PARD3B: variants seen among roughly 807,000 people sequenced by gnomAD.
The protein encoded by PARD3B is partitioning defective 3 homolog B.
In PARD3B, 103 loss-of-function variants were observed where a neutral mutation model predicts 130.2. The observed-to-expected ratio is 0.79, with a 90% CI of 0.67 to 0.93. The LOEUF (loss-of-function observed/expected upper bound fraction) is 0.93. Ranked by LOEUF, PARD3B falls within the 40% of genes least tolerant of loss-of-function variation. PARD3B has a pLI of 0.00. For missense variants in PARD3B, 1,609 were observed against 1,499.2 expected (o/e 1.07, Z -1.21); for synonymous variants, 583 against 553.2 (o/e 1.05, Z -0.76).
At chr2:204,828,097 C>T (rs1039755472) in intron 2 of PARD3B, among the ~76,000 whole-genome samples, 22 of 152,156 alleles carry the variant, frequency 1.4e-4, no homozygotes, top group African/African-American at 4.6e-4. Context: ...GGAAGAATGT[C>T]ATTTCCTCAG....
intron 2 of PARD3B, among the ~76,000 whole-genome samples, chr2:204,726,329 T>C (rs900137024): frequency 2.6e-5 from 4 of 152,188 alleles, no homozygotes; most frequent in Non-Finnish European, 5.9e-5. Context: ...TAGCTGCTGG[T>C]TCATCCTCAC....
intron 19 of PARD3B, among the ~76,000 whole-genome samples, chr2:205,419,986 G>A (rs1016199474): frequency 1.3e-5 from 2 of 152,108 alleles, no homozygotes; most frequent in South Asian, 2.1e-4. Context: ...AAAGATTTGC[G>A]GCCAAGAGAT....
At chr2:205,524,187 C>T (rs527579069) in intron 21 of PARD3B, among the ~76,000 whole-genome samples, 1 of 152,156 alleles carries the variant, frequency 6.6e-6, no homozygotes, top group Non-Finnish European at 1.5e-5. Flanking sequence ...TCTCTGCATT[C>T]ATTTTGCCAA....
intron 15 of PARD3B, among the ~76,000 whole-genome samples, chr2:205,215,516 A>G (rs1423095580): frequency 6.6e-6 from 1 of 152,154 alleles, no homozygotes; most frequent in Non-Finnish European, 1.5e-5. Context: ...CGGAATTGGA[A>G]AAGTATATGA....
intron 2 of PARD3B, among the ~76,000 whole-genome samples, chr2:204,858,848 T>C (rs2045066717): frequency 6.7e-6 from 1 of 149,936 alleles, no homozygotes. Context: ...ATATATACAA[T>C]TTATTTAAAA....
At chr2:205,283,308 C>T (rs1027130569) in intron 16 of PARD3B, among the ~76,000 whole-genome samples, 4 of 152,136 alleles carry the variant, frequency 2.6e-5, no homozygotes, top group Non-Finnish European at 5.9e-5. Context: ...GTTTTTGAGA[C>T]AGTCTCACTG....
In PARD3B at chr2:205,118,956, A is replaced by G. The variant is rs372582487; in HGVS notation, c.716A>G (p.Asn239Ser). ...CTCTTCATCCGAGGCATTGAAGACA[A>G]CAGCAGGTCCAAGCGGGAGGGACTA... ...LGLFIRGIED[N>S]SRSKREGLFH... is the part of the protein sequence containing the mutation. The change falls in exon 7 of 23, where the codon AAC becomes AGC. Residue 239 changes from asparagine (N) to serine (S), a missense_variant. Physicochemically the swap from Asn to Ser is conservative, Grantham distance 46. Coordinates refer to ENST00000406610, the MANE Select transcript of PARD3B (RefSeq NM_001302769.2). The G allele has an allele frequency of 8.1e-6, 13 of 1,610,662 alleles. No homozygotes were observed. In the African/African-American group the frequency reaches 1.6e-4, roughly 20 times the overall value.
At chr2:204,642,776 T>C (rs1444101790) in intron 1 of PARD3B, among the ~76,000 whole-genome samples, 1 of 151,810 alleles carries the variant, frequency 6.6e-6, no homozygotes, top group African/African-American at 2.4e-5. Flanking sequence ...GACTTCCCCC[T>C]TGCTGTTCTT....
intron 22 of PARD3B, among the ~76,000 whole-genome samples, chr2:205,581,285 T>G (rs963137780): frequency 9.3e-4 from 74 of 79,650 alleles, no homozygotes; most frequent in African/African-American, 2.5e-3. Flanking sequence ...GATATAGATA[T>G]ATAGATAGAT....
chr2:205,026,710 A>G (rs1697059468), intron 3 of PARD3B, among the ~76,000 whole-genome samples: 1 of 152,158 alleles, frequency 6.6e-6, no homozygotes, highest in African/African-American at 2.4e-5. Context: ...CATGGCACCC[A>G]TGATTCTACT....
chr2:204,790,745 T>TTCGTA (rs1490656656), intron 2 of PARD3B, among the ~76,000 whole-genome samples: 4 of 152,222 alleles, frequency 2.6e-5, no homozygotes, highest in Non-Finnish European at 2.9e-5. Flanking sequence ...GTATTTCGTC[T>TTCGTA]TTGTCAGCAT....
chr2:205,381,173 AAT>A (rs1214653438), intron 18 of PARD3B, among the ~76,000 whole-genome samples: 3 of 121,032 alleles, frequency 2.5e-5, no homozygotes, highest in Middle Eastern at 4.1e-3. Context: ...AAGAATATAT[AAT>A]ATATATAAAG....
intron 2 of PARD3B, among the ~76,000 whole-genome samples, chr2:204,840,096 A>G (rs1187524257): frequency 6.6e-6 from 1 of 152,200 alleles, no homozygotes; most frequent in Non-Finnish European, 1.5e-5. Flanking sequence ...TATACAATTT[A>G]TACAATTTAA....
rs1575027796 is a variant in PARD3B, at chr2:205,440,296, A to G, written c.2742-74A>G. ...AAGAGACGAGGAAGAGTTAACATAA[A>G]TTCAAGAGAGTATTTCATTGTATTA... On this transcript the variant is annotated intron_variant, in intron 19 of 22. Transcript: ENST00000406610. The surrounding 1 kb of genome is among the most constrained non-coding windows in gnomAD (Gnocchi z 4.2). The G allele has an allele frequency of 1.4e-6, 2 of 1,432,630 alleles. No homozygotes were observed. Among genetic ancestry groups the G allele is most frequent in the South Asian group, 2.6e-5 (2 of 77,434 alleles). The allele number at this position is 1,432,630 out of a possible 1,614,324, so 88.7% of individuals were successfully genotyped here. A position where few individuals can be genotyped will look rare whatever the true frequency, so the allele number is the denominator to read the frequency against.
At chr2:205,378,655 C>CA (rs2045174376) in intron 18 of PARD3B, among the ~76,000 whole-genome samples, 1 of 136,406 alleles carries the variant, frequency 7.3e-6, no homozygotes, top group African/African-American at 2.9e-5. Context: ...TTTTTTGAGA[C>CA]AGAGTTTCAC....
At chr2:205,209,706 A>G (rs909078193) in intron 15 of PARD3B, among the ~76,000 whole-genome samples, 1 of 151,978 alleles carries the variant, frequency 6.6e-6, no homozygotes, top group African/African-American at 2.4e-5. Context: ...GTTATTGGCA[A>G]TACTTTATGA....
chr2:205,383,138 A>C (rs13407555), intron 18 of PARD3B, among the ~76,000 whole-genome samples: 5,213 of 138,282 alleles, frequency 0.038, 192 homozygotes, highest in East Asian at 0.13. Flanking sequence ...ATAGATAGAT[A>C]GATCGATCTA....
intron 16 of PARD3B, among the ~76,000 whole-genome samples, chr2:205,289,455 T>G (rs2041520678): frequency 2.0e-5 from 3 of 152,194 alleles, no homozygotes; most frequent in Admixed American, 2.0e-4. Context: ...ATCTTCCAAC[T>G]ACCCCATAAA....
chr2:205,138,546 G>A (rs938052338), intron 10 of PARD3B, among the ~76,000 whole-genome samples: 4 of 152,160 alleles, frequency 2.6e-5, no homozygotes, highest in East Asian at 1.9e-4. Context: ...TATCAAAAAA[G>A]TAATTTGACA....
Sources: allele counts gnomAD v4.1 joint callset (sites outside exome capture counted in the v4.1 genomes callset), GRCh38; gene constraint gnomAD v4.1.1; non-coding constraint Gnocchi (gnomAD v3.1); transcripts MANE v1.5; gene names NCBI Gene and HGNC (gene_info 2026-07-23, HGNC 2026-07-21).